BIK: variants seen among roughly 807,000 people sequenced by gnomAD.
BIK encodes bcl-2-interacting killer.
In BIK, 14 loss-of-function variants were observed where a neutral mutation model predicts 12.1. The ratio of observed to expected loss-of-function variants is 1.16; its 90% CI spans 0.77 to 1.81. The LOEUF (loss-of-function observed/expected upper bound fraction) is 1.81. Among genes scored for constraint, BIK ranks in the 40% most tolerant of loss-of-function variants. The probability of loss-of-function intolerance (pLI) is 0.00; values close to 1 mark genes in which losing one functional copy is unlikely to be tolerated. For missense variants in BIK, 215 were observed against 207.9 expected (o/e 1.03, Z -0.21); for synonymous variants, 86 against 92.3 (o/e 0.93, Z 0.39).
At chr22:43,124,364 G>C (rs1930275083) in intron 2 of BIK, among the ~76,000 whole-genome samples, 181 bp downstream of exon 2, 1 of 152,128 alleles carries the variant, frequency 6.6e-6, no homozygotes. Flanking sequence ...TCACTTTGCT[G>C]CCCCACCCTC....
intron 1 of BIK, among the ~76,000 whole-genome samples, chr22:43,117,702 C>T (rs1336741424): frequency 7.0e-6 from 1 of 142,902 alleles, no homozygotes; most frequent in African/African-American, 2.6e-5. Flanking sequence ...GAGTTTTTCG[C>T]TCTTGTCGCC....
intron 1 of BIK, among the ~76,000 whole-genome samples, chr22:43,113,007 C>T (rs943084540): frequency 3.3e-5 from 5 of 152,034 alleles, no homozygotes; most frequent in Admixed American, 6.6e-5. Context: ...AGTTGTGAGA[C>T]GAGCCTGGCC....
rs570892694 is a variant in BIK at position 43,122,245 on chromosome 22, C to T, written c.-7-1771C>T. ...ACAGCTCAGTGAGATGGTGGGAGGG[C>T]GGAGTGTCCTGTCAGCAGGCATGAG... On this transcript the variant is annotated intron_variant, in intron 1 of 4. Transcript: ENST00000216115. Among the ~76,000 whole-genome samples, 141 of 152,140 alleles carry T rather than the reference C, an allele frequency of 9.3e-4. 1 individual carries two copies. Among genetic ancestry groups the T allele is most frequent in the Non-Finnish European group, 7.9e-4 (54 of 68,036 alleles).
At chr22:43,127,926 A>G (rs1408497585) in intron 3 of BIK, 131 bp downstream of exon 3, 2 of 887,094 alleles carry the variant, frequency 2.3e-6, no homozygotes, top group Admixed American at 5.6e-5. Flanking sequence ...CTGGGGCTAT[A>G]CTGAAACCCT....
chr22:43,121,456 G>A (rs1400305672), intron 1 of BIK, among the ~76,000 whole-genome samples: 1 of 152,160 alleles, frequency 6.6e-6, no homozygotes, highest in Non-Finnish European at 1.5e-5. Flanking sequence ...TTCCTATCTG[G>A]CGCCTAAGGA....
At chr22:43,118,234 C>G (rs1930155849) in intron 1 of BIK, among the ~76,000 whole-genome samples, 1 of 152,164 alleles carries the variant, frequency 6.6e-6, no homozygotes, top group African/African-American at 2.4e-5. Context: ...TGCTGATGGT[C>G]ACACTACCCT....
intron 1 of BIK, among the ~76,000 whole-genome samples, chr22:43,117,368 TTC>T (rs892393728): frequency 5.3e-5 from 8 of 151,890 alleles, no homozygotes; most frequent in African/African-American, 1.5e-4. Context: ...ATTTTTTTTT[TTC>T]TTTTTCTTTT....
intron 1 of BIK, among the ~76,000 whole-genome samples, chr22:43,111,958 C>G (rs1244093586): frequency 6.6e-6 from 1 of 152,152 alleles, no homozygotes; most frequent in Non-Finnish European, 1.5e-5. Context: ...CTTTATGGAA[C>G]CCAAGCCAAA....
chr22:43,119,945 G>A (rs1488479042), intron 1 of BIK, among the ~76,000 whole-genome samples: 2 of 152,116 alleles, frequency 1.3e-5, no homozygotes, highest in Non-Finnish European at 2.9e-5. Context: ...CTCCAGCCTG[G>A]GCAAACGGGT....
chr22:43,115,714 C>T (rs561297751), intron 1 of BIK, among the ~76,000 whole-genome samples: 2 of 152,110 alleles, frequency 1.3e-5, no homozygotes, highest in East Asian at 1.9e-4. Flanking sequence ...CCACCTGCCT[C>T]AACCTCCCAA....
In BIK at chr22:43,127,704, T is replaced by C. The variant is rs1317261666; in HGVS notation, c.169T>C (p.Leu57=). 9.6e-6 allele frequency: 15 copies of C among 1,554,510 alleles called. No individual in the cohort carries two copies. The highest frequency in any genetic ancestry group is 2.4e-5 in the East Asian group (1 of 41,340). ...TGTGTGTGCTCCCTGCAGTGACGCA[T>C]TGGCCCTGCGGCTGGCCTGCATCGG... The part of the protein sequence containing the change: ...SLECMEGSDA[L]ALRLACIGDE... Residue 57 remains leucine (L), a synonymous_variant, in exon 3 of 5, where the codon TTG becomes CTG. Transcript: ENST00000216115.
intron 4 of BIK, 103 bp downstream of exon 4, chr22:43,128,728 T>C: frequency 2.1e-6 from 3 of 1,455,460 alleles, no homozygotes; most frequent in Non-Finnish European, 1.9e-6. Context: ...CGTATCATCA[T>C]CTGTGTCACC....
intron 2 of BIK, 45 bp from the exon 3 acceptor site, chr22:43,127,652 C>G (rs573110142): frequency 1.3e-6 from 2 of 1,509,078 alleles, no homozygotes; most frequent in Admixed American, 2.0e-5. Context: ...TGCATGTGGC[C>G]TCCACGGCAC....
chr22:43,119,124 A>T (rs1930172459), intron 1 of BIK, among the ~76,000 whole-genome samples: 1 of 150,962 alleles, frequency 6.6e-6, no homozygotes, highest in Non-Finnish European at 1.5e-5. Flanking sequence ...CACATACTAG[A>T]TTTGCATCCT....
chr22:43,128,403 C>A, intron 3 of BIK, 93 bp from the exon 4 acceptor site: 2 of 1,496,292 alleles, frequency 1.3e-6, no homozygotes, highest in Non-Finnish European at 1.8e-6. Flanking sequence ...CAGGCCCCTG[C>A]TCCCCACAGC....
chr22:43,118,390 T>C (rs1930158409), intron 1 of BIK, among the ~76,000 whole-genome samples: 1 of 152,148 alleles, frequency 6.6e-6, no homozygotes, highest in Non-Finnish European at 1.5e-5. Flanking sequence ...GTAGTGTATG[T>C]TTTCATCCTC....
At chr22:43,124,263 G>T (rs149910772) in intron 2 of BIK, 80 bp downstream of exon 2, 9 of 1,517,552 alleles carry the variant, frequency 5.9e-6, no homozygotes, top group African/African-American at 1.4e-5. Flanking sequence ...TTCTATGAGC[G>T]GGGGAGCGCC....
intron 2 of BIK, 79 bp downstream of exon 2, chr22:43,124,262 C>CG: frequency 2.0e-6 from 3 of 1,515,514 alleles, no homozygotes; most frequent in East Asian, 2.3e-5. Context: ...ATTCTATGAG[C>CG]GGGGGAGCGC....
Position 43,112,490 on chromosome 22 carries a change from C to T in BIK, c.-8+1687C>T, listed in dbSNP as rs112049337. Reference sequence around the variant, plus strand: ...CTGGGATTACAGGTGTGACCCACCCCGCCCGGCTTGAGTGTTTAAATACTC... The same window carrying T: ...CTGGGATTACAGGTGTGACCCACCCTGCCCGGCTTGAGTGTTTAAATACTC... On this transcript the variant is annotated intron_variant, in intron 1 of 4. Coordinates refer to ENST00000216115, the MANE Select transcript of BIK (RefSeq NM_001197.5). Among the ~76,000 whole-genome samples, 364 of 152,090 alleles carry T rather than the reference C, an allele frequency of 2.4e-3. 2 individuals are homozygous for T. Among genetic ancestry groups the T allele is most frequent in the African/African-American group, 8.4e-3 (347 of 41,478 alleles).
Sources: gnomAD v4.1 joint callset for allele counts (sites outside exome capture counted in the v4.1 genomes callset) on GRCh38, gnomAD v4.1.1 for gene constraint, MANE v1.5 for transcripts, NCBI Gene and HGNC (gene_info 2026-07-23, HGNC 2026-07-21) for gene names.